The following CLASP2 variants were observed in gnomAD, a reference collection of about 807,000 sequenced individuals.
CLASP2 encodes the protein cytoplasmic linker associated protein 2.
A neutral mutation model predicts 194.4 loss-of-function variants in CLASP2; 47 were observed. The observed-to-expected ratio is 0.24, with a 90% CI of 0.19 to 0.31. The LOEUF (loss-of-function observed/expected upper bound fraction) is 0.31, where lower values mean the gene tolerates loss of function less well. Ranked by LOEUF, CLASP2 falls within the 10% of genes least tolerant of loss-of-function variation. The pLI, the probability that CLASP2 is intolerant of heterozygous loss-of-function variation, is 1.00. For missense variants in CLASP2, 1,445 were observed against 1,823.6 expected (o/e 0.79, Z 3.78); for synonymous variants, 619 against 633.5 (o/e 0.98, Z 0.34).
At chr3:33,637,265 C>T (rs2080323357) in intron 8 of CLASP2, among the ~76,000 whole-genome samples, 1 of 152,154 alleles carries the variant, frequency 6.6e-6, no homozygotes, top group South Asian at 2.1e-4. Flanking sequence ...GGTGTGGTGG[C>T]TCACGTCTGT....
chr3:33,636,811 G>A (rs1042829731), intron 8 of CLASP2, among the ~76,000 whole-genome samples: 1 of 152,152 alleles, frequency 6.6e-6, no homozygotes, highest in Non-Finnish European at 1.5e-5. Context: ...ATATTGGCCA[G>A]GCTGGTATTG....
In CLASP2 at chr3:33,718,167, A is replaced by G; in HGVS notation, c.-165T>C. 1.8e-6 allele frequency: 1 copy of G among 569,956 alleles called. No individual in the cohort carries two copies. Among genetic ancestry groups the G allele is most frequent in the Non-Finnish European group, 2.8e-6 (1 of 359,492 alleles). The allele number at this position is 569,956 out of a possible 1,614,324, so 35.3% of individuals were successfully genotyped here. A position where few individuals can be genotyped will look rare whatever the true frequency, so the allele number is the denominator to read the frequency against. On this transcript the variant is annotated 5_prime_UTR_variant, in exon 1 of 39. Transcript: ENST00000682230. ...GCGGCGGGAGGAACGCCAAGCGCCC[A>G]GCCGCCCCCAAACTAGTCAAACTCG...
Position 33,529,547 on chromosome 3 carries a change from T to G in CLASP2, c.3787+5686A>C, listed in dbSNP as rs543636523. Reference sequence around the variant, plus strand: ...CTGTGAGCCATTTTACATTCATATTTGAGGAGCCATCTTCTATCAAAGTTT... The same window carrying G: ...CTGTGAGCCATTTTACATTCATATTGGAGGAGCCATCTTCTATCAAAGTTT... On this transcript the variant is annotated intron_variant, in intron 34 of 38. Coordinates refer to ENST00000682230, the MANE Select transcript of CLASP2 (RefSeq NM_001365631.1). Among the ~76,000 whole-genome samples the G allele has an allele frequency of 5.9e-5, 9 of 152,276 alleles. No homozygotes were observed. In the East Asian group the frequency reaches 1.7e-3, roughly 29 times the overall value.
intron 7 of CLASP2, chr3:33,659,772 T>C (rs928197845): frequency 6.6e-5 from 10 of 152,202 alleles, no homozygotes; most frequent in African/African-American, 2.2e-4. Flanking sequence ...ATCAGCACAT[T>C]GTCAAGCTCT....
intron 1 of CLASP2, among the ~76,000 whole-genome samples, chr3:33,710,801 G>A (rs1205842034): frequency 1.3e-5 from 2 of 152,114 alleles, no homozygotes; most frequent in Non-Finnish European, 2.9e-5. Context: ...TGGGCATGGT[G>A]GCATACACCT....
chr3:33,717,809 C>G lies in CLASP2; in HGVS notation c.194G>C (p.Arg65Pro), dbSNP rs1394500753. 5 of 1,556,124 alleles carry G rather than the reference C, an allele frequency of 3.2e-6. No individual in the cohort carries two copies. The Admixed American group carries it at 9.7e-5, about 30-fold the overall frequency. The change falls in exon 1 of 39, where the codon CGG (arginine) becomes CCG (proline). Residue 65 changes from arginine to proline, a missense_variant and splice_region_variant. Coordinates refer to ENST00000682230, the MANE Select transcript of CLASP2 (RefSeq NM_001365631.1). ...LTGWVGSSNYRVSLMGLEILS... is the reference protein window; with the variant it reads ...LTGWVGSSNYPVSLMGLEILS... Reference sequence around the variant, plus strand: ...CCCAGCCTCGCCGCCGTCGCTTACCCGGTAGTTGCTCGAACCCACCCAGCC... The same window carrying G: ...CCCAGCCTCGCCGCCGTCGCTTACCGGGTAGTTGCTCGAACCCACCCAGCC...
intron 21 of CLASP2, among the ~76,000 whole-genome samples, chr3:33,586,574 G>T (rs1419144606): frequency 6.6e-6 from 1 of 152,044 alleles, no homozygotes; most frequent in Non-Finnish European, 1.5e-5. Context: ...AAATGCAAGG[G>T]TTAAATTTTA....
chr3:33,671,936 T>A (rs914334524), intron 6 of CLASP2, among the ~76,000 whole-genome samples: 1 of 152,146 alleles, frequency 6.6e-6, no homozygotes, highest in Non-Finnish European at 1.5e-5. Context: ...ACAAAGCAGC[T>A]GGGAAGCTCC....
At chr3:33,640,290 T>C (rs982531316) in intron 8 of CLASP2, among the ~76,000 whole-genome samples, 3 of 152,172 alleles carry the variant, frequency 2.0e-5, no homozygotes, top group Non-Finnish European at 2.9e-5. Context: ...GTCTGCATGA[T>C]GGGAAAAATG....
At chr3:33,561,489 T>A (rs1011233628) in intron 27 of CLASP2, among the ~76,000 whole-genome samples, 3 of 152,230 alleles carry the variant, frequency 2.0e-5, no homozygotes, top group African/African-American at 7.2e-5. Flanking sequence ...ATGTATTATT[T>A]ATTAAAACTG....
In CLASP2 at chr3:33,496,723, C is replaced by A. The variant is rs770064875; in HGVS notation, c.*1908G>T. ...TCAAAATTAAATCAATATTTTGATT[C>A]GAAATGATTACAAACATATCCAAAG... On this transcript the variant is annotated 3_prime_UTR_variant, in exon 39 of 39. Transcript: ENST00000682230. The A allele has an allele frequency of 6.6e-6, 1 of 152,026 alleles. No homozygotes were observed. Among genetic ancestry groups the A allele is most frequent in the Non-Finnish European group, 1.5e-5 (1 of 67,988 alleles). The allele number at this position is 152,026 out of a possible 1,614,324, so 9.4% of individuals were successfully genotyped here.
intron 1 of CLASP2, among the ~76,000 whole-genome samples, chr3:33,710,322 C>A (rs1176964170): frequency 6.6e-6 from 1 of 152,164 alleles, no homozygotes; most frequent in Non-Finnish European, 1.5e-5. Context: ...TAAAAATCCA[C>A]AAATTGGATA....
intron 34 of CLASP2, among the ~76,000 whole-genome samples, chr3:33,534,250 AAT>A (rs903697438): frequency 2.4e-4 from 36 of 152,148 alleles, no homozygotes; most frequent in African/African-American, 8.0e-4. Flanking sequence ...ATTAAGAAAA[AAT>A]ATGTTTCCTT....
rs1396261761 is a variant in CLASP2 at position 33,640,779 on chromosome 3, A to G, written c.862+3978T>C. Among the ~76,000 whole-genome samples, 5 of 152,254 alleles carry G rather than the reference A, an allele frequency of 3.3e-5. No individual in the cohort carries two copies. The East Asian group carries it at 9.6e-4, about 29-fold the overall frequency. On this transcript the variant is annotated intron_variant, in intron 8 of 38. Coordinates refer to ENST00000682230, the MANE Select transcript of CLASP2 (RefSeq NM_001365631.1). ...ATTATAACCCAGAAAATAAACTTGA[A>G]GAAGGCAATTTCAACAAGAAAATAC...
intron 34 of CLASP2, among the ~76,000 whole-genome samples, chr3:33,521,552 A>G (rs2053097085): frequency 6.6e-6 from 1 of 152,224 alleles, no homozygotes; most frequent in Non-Finnish European, 1.5e-5. Flanking sequence ...GCTACAAAAT[A>G]ACTTCAAAAG....
intron 8 of CLASP2, among the ~76,000 whole-genome samples, chr3:33,637,666 T>C (rs2154299490): frequency 6.6e-6 from 1 of 152,334 alleles, no homozygotes; most frequent in African/African-American, 2.4e-5. Flanking sequence ...AAGCCTTCAG[T>C]AAATATTTGC....
chr3:33,713,012 C>CAGA (rs1559717375), intron 1 of CLASP2, among the ~76,000 whole-genome samples: 10 of 46,990 alleles, frequency 2.1e-4, no homozygotes, highest in Non-Finnish European at 3.4e-4. Flanking sequence ...AACTCCACCT[C>CAGA]AAAAAAAAAA....
At chr3:33,559,821 G>A (rs1238734171) in intron 28 of CLASP2, among the ~76,000 whole-genome samples, 1 of 152,096 alleles carries the variant, frequency 6.6e-6, no homozygotes, top group African/African-American at 2.4e-5. Flanking sequence ...TTGAACCCAG[G>A]AGGCAGAGGT....
intron 7 of CLASP2, among the ~76,000 whole-genome samples, chr3:33,660,338 A>G (rs1470357765): frequency 6.6e-6 from 1 of 152,238 alleles, no homozygotes; most frequent in Non-Finnish European, 1.5e-5. Flanking sequence ...TTCTTCTAAC[A>G]GCAGAGCTAA....
Sources: gnomAD v4.1 joint callset for allele counts (sites outside exome capture counted in the v4.1 genomes callset) on GRCh38, gnomAD v4.1.1 for gene constraint, MANE v1.5 for transcripts, NCBI Gene and HGNC (gene_info 2026-07-23, HGNC 2026-07-21) for gene names.